SPOCK1: variants seen among roughly 807,000 people sequenced by gnomAD.
SPOCK1 encodes SPARC (osteonectin), cwcv and kazal like domains proteoglycan 1, also known as testican-1.
In SPOCK1, 23 loss-of-function variants were observed where a neutral mutation model predicts 55.3. The observed-to-expected ratio is 0.42, with a 90% CI of 0.30 to 0.59. The LOEUF (loss-of-function observed/expected upper bound fraction) is 0.59, where lower values mean the gene tolerates loss of function less well. Ranked by LOEUF, SPOCK1 falls within the 20% of genes least tolerant of loss-of-function variation. SPOCK1 has a pLI of 0.22. For missense variants in SPOCK1, 499 were observed against 552.5 expected, an observed-to-expected ratio of 0.90 and a Z score of 0.97; for synonymous variants, 226 against 221.0, an observed-to-expected ratio of 1.02 and a Z score of -0.20.
At chr5:137,066,985 CACAGAG>C (rs1321977152) in intron 6 of SPOCK1, among the ~76,000 whole-genome samples, 88 of 121,762 alleles carry the variant, frequency 7.2e-4, no homozygotes, top group African/African-American at 2.2e-3. Context: ...CACACACACA[CACAGAG>C]AGAGAGAGAG....
rs77643951 is a variant in SPOCK1 at position 136,977,691 on chromosome 5, G to A, written c.*963C>T. On this transcript the variant is annotated 3_prime_UTR_variant, in exon 11 of 11. Transcript: ENST00000394945. ...GATGGCTTGTGAAGCTGCCCGTGTC[G>A]TGTGGGAGTCGCATGGCTTCTGCGA... 8.6e-3 allele frequency: 3,418 copies of A among 398,028 alleles called. 111 individuals carry two copies. Among genetic ancestry groups the A allele is most frequent in the African/African-American group, 0.064 (3,122 of 48,658 alleles). The allele number at this position is 398,028 out of a possible 1,614,324, so 24.7% of individuals were successfully genotyped here.
At chr5:137,283,031 A>G (rs980913822) in intron 2 of SPOCK1, among the ~76,000 whole-genome samples, 5 of 152,226 alleles carry the variant, frequency 3.3e-5, no homozygotes, top group Non-Finnish European at 7.3e-5. Flanking sequence ...AGATGTGGGC[A>G]TCTACAGGGG....
chr5:137,428,553 T>C (rs540338162), intron 2 of SPOCK1, among the ~76,000 whole-genome samples: 4 of 152,326 alleles, frequency 2.6e-5, no homozygotes, highest in Admixed American at 2.0e-4. Context: ...CATCTTTCCC[T>C]GGAAAATTTG....
chr5:137,152,133 A>C (rs1201846936), intron 3 of SPOCK1, among the ~76,000 whole-genome samples: 1 of 152,210 alleles, frequency 6.6e-6, no homozygotes, highest in Non-Finnish European at 1.5e-5. Flanking sequence ...TGAGAGAAAA[A>C]TGGTTGCATC....
intron 3 of SPOCK1, among the ~76,000 whole-genome samples, chr5:137,265,806 TCA>T (rs1756836803): frequency 6.6e-6 from 1 of 152,158 alleles, no homozygotes; most frequent in African/African-American, 2.4e-5. Context: ...CACACCTGCA[TCA>T]CAGCCATTAA....
rs1266192446 is a variant in SPOCK1 at position 136,977,066 on chromosome 5, G to A, written c.*1588C>T. On this transcript the variant is annotated 3_prime_UTR_variant, in exon 11 of 11. Coordinates refer to ENST00000394945, the MANE Select transcript of SPOCK1 (RefSeq NM_004598.4). ...ATATGTGGGCCAGAGAGGCTTGCTT[G>A]GGTGGCTGATTCTGATTAGGACACC... The A allele has an allele frequency of 6.6e-6, 1 of 152,242 alleles. No homozygotes were observed. Among genetic ancestry groups the A allele is most frequent in the Non-Finnish European group, 1.5e-5 (1 of 68,090 alleles). The allele number at this position is 152,242 out of a possible 1,614,324, so 9.4% of individuals were successfully genotyped here.
chr5:137,211,368 G>T (rs1167943569), intron 3 of SPOCK1, among the ~76,000 whole-genome samples: 2 of 152,158 alleles, frequency 1.3e-5, no homozygotes, highest in Non-Finnish European at 2.9e-5. Context: ...ACCTCAATAG[G>T]GATGTTACTG....
chr5:137,131,482 C>G (rs1372206136), intron 4 of SPOCK1, among the ~76,000 whole-genome samples: 2 of 151,838 alleles, frequency 1.3e-5, no homozygotes, highest in African/African-American at 4.8e-5. Context: ...GTGGCACATG[C>G]CTGTAGTTCC....
chr5:137,439,192 G>A (rs1752932400), intron 2 of SPOCK1, among the ~76,000 whole-genome samples: 1 of 152,244 alleles, frequency 6.6e-6, no homozygotes, highest in Non-Finnish European at 1.5e-5. Flanking sequence ...GGGTGTGGCT[G>A]TGACACAGTG....
At chr5:137,195,136 T>A (rs17171066) in intron 3 of SPOCK1, among the ~76,000 whole-genome samples, 2,493 of 152,294 alleles carry the variant, frequency 0.016, 77 homozygotes, top group African/African-American at 0.056. Context: ...CAATGTAAAA[T>A]GACCCTCTTA....
At chr5:137,322,281 C>T (rs1457751920) in intron 2 of SPOCK1, among the ~76,000 whole-genome samples, 2 of 150,978 alleles carry the variant, frequency 1.3e-5, no homozygotes, top group Admixed American at 6.6e-5. Context: ...TGCAGTCAGC[C>T]ATGATTGTGC....
chr5:137,261,379 A>G (rs1756739741), intron 3 of SPOCK1, among the ~76,000 whole-genome samples: 1 of 152,222 alleles, frequency 6.6e-6, no homozygotes, highest in Admixed American at 6.5e-5. Flanking sequence ...TGGTGGTTCC[A>G]GAAACACAGC....
chr5:137,413,387 T>C (rs963217593), intron 2 of SPOCK1, among the ~76,000 whole-genome samples: 3 of 152,212 alleles, frequency 2.0e-5, no homozygotes, highest in African/African-American at 7.2e-5. Context: ...TAATCTGTGA[T>C]TTTACCAACT....
chr5:137,293,089 A>ATTTTTTTTTT (rs531537488), intron 2 of SPOCK1, among the ~76,000 whole-genome samples: 2 of 100,850 alleles, frequency 2.0e-5, no homozygotes, highest in African/African-American at 4.1e-5. Context: ...GGTTTGTTGA[A>ATTTTTTTTTT]TTTTTTTTTT....
intron 3 of SPOCK1, among the ~76,000 whole-genome samples, chr5:137,153,801 T>C (rs1754362082): frequency 6.6e-6 from 1 of 151,320 alleles, no homozygotes; most frequent in East Asian, 1.9e-4. Context: ...AAGGCTGCAG[T>C]GACTCATGAT....
rs1478313783 is a variant in SPOCK1 at position 137,390,843 on chromosome 5, G to A, written c.186+107530C>T. 2.0e-5 allele frequency among the ~76,000 whole-genome samples: 3 copies of A among 152,162 alleles called. No homozygotes were observed. In the East Asian group the frequency reaches 5.8e-4, roughly 29 times the overall value. On this transcript the variant is annotated intron_variant, in intron 2 of 10. Transcript: ENST00000394945. Reference sequence around the variant, plus strand: ...TGCAGTTAGGGAGTAGCTGGTGGGGGGGTGTGGCAAATGGAACAGAGCTGG... The same window carrying A: ...TGCAGTTAGGGAGTAGCTGGTGGGGAGGTGTGGCAAATGGAACAGAGCTGG...
intron 6 of SPOCK1, among the ~76,000 whole-genome samples, chr5:137,020,124 T>C (rs755091619): frequency 6.0e-5 from 9 of 150,544 alleles, no homozygotes; most frequent in Non-Finnish European, 1.2e-4. Flanking sequence ...AAAGGAGAGA[T>C]AAAAAGCAGA....
Position 137,022,500 on chromosome 5 carries a change from A to G in SPOCK1, c.590-29900T>C, listed in dbSNP as rs79985978. Among the ~76,000 whole-genome samples the G allele has an allele frequency of 5.4e-3, 825 of 152,228 alleles. 4 individuals carry two copies. The highest frequency in any genetic ancestry group is 0.01 in the Non-Finnish European group (686 of 67,996). On this transcript the variant is annotated intron_variant, in intron 6 of 10. Transcript: ENST00000394945. Reference sequence around the variant, plus strand: ...CGGGGCAGTTTGTTACAGGGCAAGAAATAACTGAAACAAACTATGATTTTA... The same window carrying G: ...CGGGGCAGTTTGTTACAGGGCAAGAGATAACTGAAACAAACTATGATTTTA...
intron 6 of SPOCK1, among the ~76,000 whole-genome samples, chr5:137,066,584 G>T (rs1448371368): frequency 6.6e-6 from 1 of 152,126 alleles, no homozygotes; most frequent in Non-Finnish European, 1.5e-5. Flanking sequence ...AACACCACAT[G>T]GCTTTAGATT....
Sources: gnomAD v4.1 joint callset for allele counts (sites outside exome capture counted in the v4.1 genomes callset) on GRCh38, gnomAD v4.1.1 for gene constraint, MANE v1.5 for transcripts, NCBI Gene and HGNC (gene_info 2026-07-23, HGNC 2026-07-21) for gene names.